Variants in PIP4K2A observed in about 807,000 individuals in gnomAD.
PIP4K2A encodes the protein phosphatidylinositol 5-phosphate 4-kinase type-2 alpha.
Under a neutral mutation model 42.9 loss-of-function variants are expected in PIP4K2A, and 14 were observed. The ratio of observed to expected loss-of-function variants is 0.33; its 90% CI spans 0.22 to 0.51. The LOEUF is 0.51. PIP4K2A is among the 20% of genes least tolerant of loss of function. PIP4K2A has a pLI of 0.97. For synonymous variants in PIP4K2A, 192 were observed against 192.2 expected (o/e 1.00, Z 0.01); for missense variants, 434 against 519.8 (o/e 0.83, Z 1.61).
intron 7 of PIP4K2A, among the ~76,000 whole-genome samples, chr10:22,547,089 G>A (rs974487110): frequency 6.6e-6 from 1 of 151,998 alleles, no homozygotes; most frequent in African/African-American, 2.4e-5. Context: ...AATCTTCCTT[G>A]AGATCTTTAC....
In PIP4K2A at chr10:22,635,851, G is replaced by T. The variant is rs139282127; in HGVS notation, c.145-26134C>A. 3.3e-5 allele frequency among the ~76,000 whole-genome samples: 5 copies of T among 152,326 alleles called. No individual in the cohort carries two copies. The East Asian group carries it at 9.6e-4, about 29-fold the overall frequency. On this transcript the variant is annotated intron_variant, in intron 1 of 9. Coordinates refer to ENST00000376573, the MANE Select transcript of PIP4K2A (RefSeq NM_005028.5). ...AGGTTTCACGCCCTTGAGAGTGGAA[G>T]AGTGGTGAAGCCATTACCAAAAACA...
chr10:22,550,447 G>C (rs563790047), intron 7 of PIP4K2A, among the ~76,000 whole-genome samples: 88 of 152,246 alleles, frequency 5.8e-4, no homozygotes, highest in African/African-American at 2.1e-3. Context: ...TCTTGTGTTT[G>C]GTGCCTAAAT....
At chr10:22,544,722 T>C (rs1006285058) in intron 7 of PIP4K2A, among the ~76,000 whole-genome samples, 5 of 152,226 alleles carry the variant, frequency 3.3e-5, no homozygotes, top group African/African-American at 1.2e-4. Context: ...CACATTTCCA[T>C]AGTGCCGCGT....
chr10:22,567,691 C>G (rs1443443828), intron 6 of PIP4K2A, 160 bp downstream of exon 6: 4 of 775,396 alleles, frequency 5.2e-6, no homozygotes, highest in Non-Finnish European at 9.6e-6. Flanking sequence ...AAGTAGAACT[C>G]TCATCGGGTC....
rs752810739 is a variant in PIP4K2A at position 22,550,652 on chromosome 10, T to A, written c.792+7A>T. 2.8e-5 allele frequency: 40 copies of A among 1,423,534 alleles called. 1 individual carries two copies. The South Asian group carries it at 4.3e-4, about 15-fold the overall frequency. The allele number at this position is 1,423,534 out of a possible 1,614,324, so 88.2% of individuals were successfully genotyped here. A position where few individuals can be genotyped will look rare whatever the true frequency, so the allele number is the denominator to read the frequency against. On this transcript the variant is annotated splice_region_variant and intron_variant, in intron 7 of 9. Transcript: ENST00000376573. ...ATGAGTCTGGCCTCTCCACTGACTG[T>A]TCTTACCTCAACATCCTTTTTTAGT... is the stretch of plus-strand genomic sequence containing the variant.
At chr10:22,579,538 G>A (rs1837209141) in intron 4 of PIP4K2A, among the ~76,000 whole-genome samples, 1 of 152,134 alleles carries the variant, frequency 6.6e-6, no homozygotes, top group Non-Finnish European at 1.5e-5. Flanking sequence ...TTGGAGGGGA[G>A]GGGATCTTTG....
chr10:22,550,846 C>G, intron 6 of PIP4K2A, 74 bp from the exon 7 acceptor site: 1 of 887,098 alleles, frequency 1.1e-6, no homozygotes, highest in Non-Finnish European at 1.9e-6. Context: ...CCTTCCAACC[C>G]TGGACACTGA....
chr10:22,714,268 T>C lies in PIP4K2A; in HGVS notation c.59A>G (p.Lys20Arg), dbSNP rs2130937771. ...SVLASKTKTKKKHFVAQKVKL... is the reference protein window; with the variant it reads ...SVLASKTKTKRKHFVAQKVKL... ...CACTTTCTGCGCTACGAAGTGCTTC[T>C]TCTTGGTCTTGGTCTTGCTCGCCAG... Residue 20 changes from lysine to arginine, a missense_variant, in exon 1 of 10, where the codon AAG becomes AGG. Physicochemically the swap from Lys to Arg is conservative, Grantham distance 26. This residue lies in a region of PIP4K2A where 395 missense variants were observed against 444.5 expected (regional missense o/e 0.89). Coordinates refer to ENST00000376573, the MANE Select transcript of PIP4K2A (RefSeq NM_005028.5). 1 of 1,612,200 alleles carries C rather than the reference T, an allele frequency of 6.2e-7. No homozygotes were observed. The highest frequency in any genetic ancestry group is 2.2e-5 in the East Asian group (1 of 44,706).
intron 1 of PIP4K2A, among the ~76,000 whole-genome samples, chr10:22,655,292 G>GT (rs1470193136): frequency 6.6e-6 from 1 of 152,304 alleles, no homozygotes; most frequent in Admixed American, 6.5e-5. Context: ...TTAACCCAGT[G>GT]TAACAGGCAC....
chr10:22,579,625 G>T (rs764505187), intron 4 of PIP4K2A, among the ~76,000 whole-genome samples: 1 of 152,136 alleles, frequency 6.6e-6, no homozygotes, highest in Non-Finnish European at 1.5e-5. Flanking sequence ...CTCCATTCTG[G>T]CCGGGCATGG....
intron 3 of PIP4K2A, among the ~76,000 whole-genome samples, chr10:22,595,134 A>G (rs4748819): frequency 0.91 from 138,564 of 152,238 alleles, 63,234 homozygotes; most frequent in African/African-American, 0.97. Flanking sequence ...TATACAAAAC[A>G]CCTGATCCTT....
chr10:22,594,911 A>G (rs1285106295), intron 3 of PIP4K2A, among the ~76,000 whole-genome samples: 2 of 152,158 alleles, frequency 1.3e-5, no homozygotes, highest in East Asian at 3.9e-4. Flanking sequence ...TTCTGTCTCA[A>G]ATCACCATTT....
chr10:22,650,829 C>T (rs1220232825), intron 1 of PIP4K2A, among the ~76,000 whole-genome samples: 1 of 120,068 alleles, frequency 8.3e-6, no homozygotes, highest in African/African-American at 4.1e-5. Context: ...TTTTGGAAAT[C>T]TACTGGGTTT....
chr10:22,674,298 G>A (rs1254277291), intron 1 of PIP4K2A, among the ~76,000 whole-genome samples: 2 of 149,412 alleles, frequency 1.3e-5, no homozygotes, highest in African/African-American at 4.9e-5. Flanking sequence ...CTTGTATCAT[G>A]TTCTTTTGGT....
At chr10:22,541,348 C>A (rs958216714) in intron 8 of PIP4K2A, among the ~76,000 whole-genome samples, 1 of 152,166 alleles carries the variant, frequency 6.6e-6, no homozygotes, top group African/African-American at 2.4e-5. Flanking sequence ...CACAGAGGAT[C>A]ACATGCATGT....
chr10:22,695,021 T>A (rs1017555189), intron 1 of PIP4K2A, among the ~76,000 whole-genome samples: 2 of 152,172 alleles, frequency 1.3e-5, no homozygotes, highest in Non-Finnish European at 2.9e-5. Context: ...TCTTTGTAGG[T>A]AACTTTTTGA....
intron 1 of PIP4K2A, among the ~76,000 whole-genome samples, chr10:22,699,151 G>C (rs542414080): frequency 6.6e-6 from 1 of 152,146 alleles, no homozygotes; most frequent in Non-Finnish European, 1.5e-5. Context: ...CAAAAAGAAA[G>C]TGCCTTATGG....
intron 1 of PIP4K2A, among the ~76,000 whole-genome samples, chr10:22,683,057 AAG>A (rs1286470053): frequency 7.1e-6 from 1 of 140,610 alleles, no homozygotes; most frequent in Non-Finnish European, 1.5e-5. Flanking sequence ...AGAAAAGAAA[AAG>A]AAAAACAACA....
chr10:22,675,606 A>C (rs1333537700), intron 1 of PIP4K2A, among the ~76,000 whole-genome samples: 1 of 152,166 alleles, frequency 6.6e-6, no homozygotes, highest in African/African-American at 2.4e-5. Context: ...CAAACAAACA[A>C]AAACACTGTT....
Sources: gnomAD v4.1 joint callset for allele counts (sites outside exome capture counted in the v4.1 genomes callset) on GRCh38, gnomAD v4.1.1 for gene constraint, gnomAD v4.1.1 regional missense constraint, MANE v1.5 for transcripts, NCBI Gene and HGNC (gene_info 2026-07-23, HGNC 2026-07-21) for gene names.